MBTD1: variants seen among roughly 807,000 people sequenced by gnomAD.
The protein encoded by MBTD1 is MBT domain-containing protein 1.
In MBTD1, 24 loss-of-function variants were observed where a neutral mutation model predicts 87.8. The observed-to-expected ratio is 0.27, with a 90% CI of 0.20 to 0.38. The LOEUF (loss-of-function observed/expected upper bound fraction) is 0.38, where lower values mean the gene tolerates loss of function less well. Among genes scored for constraint, MBTD1 ranks in the 10% least tolerant of loss-of-function variants. The probability of loss-of-function intolerance (pLI) is 1.00; values close to 1 mark genes in which losing one functional copy is unlikely to be tolerated. For synonymous variants in MBTD1, 237 were observed against 248.6 expected (o/e 0.95, Z 0.44); for missense variants, 436 against 760.2 (o/e 0.57, Z 5.02).
chr17:51,201,541 A>G, intron 12 of MBTD1, 51 bp downstream of exon 12: 1 of 1,201,676 alleles, frequency 8.3e-7, no homozygotes, highest in Non-Finnish European at 1.2e-6. Context: ...CTATTAGCTT[A>G]TACCCAAATC....
chr17:51,243,502 A>G (rs2054267595), intron 2 of MBTD1, among the ~76,000 whole-genome samples: 2 of 152,330 alleles, frequency 1.3e-5, no homozygotes, highest in Non-Finnish European at 2.9e-5. Context: ...CTTGGAATAA[A>G]AACATTTTCT....
chr17:51,185,437 C>T (rs1568143814), intron 16 of MBTD1: 1 of 152,306 alleles, frequency 6.6e-6, no homozygotes, highest in East Asian at 1.9e-4. Flanking sequence ...CTTGGCCTAA[C>T]CAATTACACT....
At chr17:51,203,611 G>A (rs2051624617) in intron 8 of MBTD1, among the ~76,000 whole-genome samples, 180 bp downstream of exon 8, 1 of 152,082 alleles carries the variant, frequency 6.6e-6, no homozygotes, top group African/African-American at 2.4e-5. Flanking sequence ...TGGTCAGGCT[G>A]GTCTCAAACT....
intron 3 of MBTD1, among the ~76,000 whole-genome samples, chr17:51,220,738 C>G (rs1037242118): frequency 6.6e-6 from 1 of 152,294 alleles, no homozygotes; most frequent in East Asian, 1.9e-4. Context: ...GGCAGATACG[C>G]TGGATTCAAC....
chr17:51,207,358 C>T (rs1253801109), intron 6 of MBTD1, among the ~76,000 whole-genome samples: 1 of 152,104 alleles, frequency 6.6e-6, no homozygotes, highest in African/African-American at 2.4e-5. Context: ...ATACACTTCA[C>T]CCTAATTTCT....
chr17:51,180,671 C>A lies in MBTD1; in HGVS notation c.1792G>T (p.Glu598Ter). 1 of 1,547,076 alleles carries A rather than the reference C, an allele frequency of 6.5e-7. No homozygotes were observed. The highest frequency in any genetic ancestry group is 8.8e-7 in the Non-Finnish European group (1 of 1,142,762). Reference sequence around the variant, plus strand: ...TTATAATCCTCTCCATCCAGCAACTCCTCCTTCAGCTGCAGTGTTGTCACT... The same window carrying A: ...TTATAATCCTCTCCATCCAGCAACTACTCCTTCAGCTGCAGTGTTGTCACT... ...KKMTTLQLKE[E>*]LLDGEDYNFL... The change falls in exon 17 of 17, where the codon GAG becomes TAG. Residue 598 changes from glutamate to a stop codon, truncating the protein, a stop_gained. Transcript: ENST00000586178. LOFTEE classifies it high-confidence loss of function.
At chr17:51,245,481 GTAT>G (rs2054382515) in intron 2 of MBTD1, among the ~76,000 whole-genome samples, 1 of 151,814 alleles carries the variant, frequency 6.6e-6, no homozygotes, top group Non-Finnish European at 1.5e-5. Flanking sequence ...AAATTTTCCC[GTAT>G]TTTTTCCTGG....
intron 2 of MBTD1, among the ~76,000 whole-genome samples, chr17:51,252,741 A>AC (rs2054863694): frequency 6.6e-6 from 1 of 151,436 alleles, no homozygotes; most frequent in Non-Finnish European, 1.5e-5. Flanking sequence ...CTCAAAAAAA[A>AC]ACAAAACAAC....
At chr17:51,187,069 G>A (rs1451297305) in intron 16 of MBTD1, among the ~76,000 whole-genome samples, 2 of 152,062 alleles carry the variant, frequency 1.3e-5, no homozygotes, top group Non-Finnish European at 2.9e-5. Flanking sequence ...ATTCTAAAAT[G>A]TACTTCCAAA....
At chr17:51,221,233 G>C (rs986879542) in intron 3 of MBTD1, among the ~76,000 whole-genome samples, 1 of 152,142 alleles carries the variant, frequency 6.6e-6, no homozygotes, top group East Asian at 1.9e-4. Flanking sequence ...AGGAGTTCAG[G>C]GTTACAGTGA....
chr17:51,216,065 G>A (rs1294165012), intron 6 of MBTD1, among the ~76,000 whole-genome samples: 2 of 151,004 alleles, frequency 1.3e-5, no homozygotes, highest in Non-Finnish European at 2.9e-5. Context: ...TCGAGTAGCT[G>A]GGACTACAGG....
upstream of MBTD1, chr17:51,260,273 T>C: frequency 2.1e-6 from 1 of 482,062 alleles, no homozygotes; most frequent in South Asian, 2.9e-5. Context: ...CGTCCCAGTG[T>C]ATAGTCGGGG....
At chr17:51,237,004 G>A (rs1164035610) in intron 2 of MBTD1, among the ~76,000 whole-genome samples, 5 of 151,556 alleles carry the variant, frequency 3.3e-5, no homozygotes, top group African/African-American at 1.2e-4. Context: ...ACCCATAAAG[G>A]AAAAAAAATT....
At chr17:51,207,126 G>A (rs766616931) in intron 6 of MBTD1, 121 bp from the exon 7 acceptor site, 13 of 537,400 alleles carry the variant, frequency 2.4e-5, no homozygotes, top group Admixed American at 9.8e-5. Flanking sequence ...TTTTAATTCC[G>A]TTTGTTTCCT....
rs368117021 is a variant in MBTD1 at position 51,197,069 on chromosome 17, T to G, written c.1225-1708A>C. Among the ~76,000 whole-genome samples, 17 of 2,688 alleles carry G rather than the reference T, an allele frequency of 6.3e-3. 1 individual carries two copies. The highest frequency in any genetic ancestry group is 0.028 in the East Asian group (3 of 108). The allele number at this position is 2,688 out of a possible 152,430, so 1.8% of individuals were successfully genotyped here. A position where few individuals can be genotyped will look rare whatever the true frequency, so the allele number is the denominator to read the frequency against. ...ATATATATATATATATATATATATATATATATATATATATATATATATATA... is the reference window on the plus strand; with the variant it reads ...ATATATATATATATATATATATATAGATATATATATATATATATATATATA... On this transcript the variant is annotated intron_variant, in intron 12 of 16. Coordinates refer to ENST00000586178, the MANE Select transcript of MBTD1 (RefSeq NM_017643.3).
chr17:51,226,770 T>C (rs2143742650), intron 2 of MBTD1, among the ~76,000 whole-genome samples: 1 of 151,690 alleles, frequency 6.6e-6, no homozygotes, highest in Admixed American at 6.6e-5. Flanking sequence ...TAGCTGGGAC[T>C]ACAGGTGAGT....
intron 16 of MBTD1, among the ~76,000 whole-genome samples, chr17:51,181,460 G>A (rs1303117457): frequency 6.6e-6 from 1 of 152,096 alleles, no homozygotes; most frequent in Admixed American, 6.6e-5. Context: ...GCTGGATGTG[G>A]TAGCAGCCTG....
chr17:51,205,681 A>G (rs2051779960), intron 7 of MBTD1, among the ~76,000 whole-genome samples: 2 of 152,150 alleles, frequency 1.3e-5, no homozygotes, highest in South Asian at 4.1e-4. Flanking sequence ...ACAACAGATC[A>G]TTTATGCTGG....
intron 15 of MBTD1, 49 bp downstream of exon 15, chr17:51,192,731 GGA>G (rs766319042): frequency 1.1e-5 from 18 of 1,604,102 alleles, no homozygotes; most frequent in Non-Finnish European, 1.2e-5. Flanking sequence ...ATAGTCCTCT[GGA>G]GAATTGCTGA....
Sources: gnomAD v4.1 joint callset for allele counts (sites outside exome capture counted in the v4.1 genomes callset) on GRCh38, gnomAD v4.1.1 for gene constraint, MANE v1.5 for transcripts, NCBI Gene and HGNC (gene_info 2026-07-23, HGNC 2026-07-21) for gene names.